Variants in TCN2 observed in about 807,000 individuals in gnomAD.
The protein encoded by TCN2 is transcobalamin-2.
Under a neutral mutation model 48.6 loss-of-function variants are expected in TCN2, and 34 were observed. The observed-to-expected ratio is 0.70, with a 90% CI of 0.53 to 0.93. TCN2 has a LOEUF of 0.93. TCN2 is among the 40% of genes least tolerant of loss of function. The pLI, the probability that TCN2 is intolerant of heterozygous loss-of-function variation, is 0.00. For synonymous variants in TCN2, 283 were observed against 212.5 expected, an observed-to-expected ratio of 1.33 and a Z score of -2.89; for missense variants, 652 against 526.1, an observed-to-expected ratio of 1.24 and a Z score of -2.34.
intron 7 of TCN2, among the ~76,000 whole-genome samples, chr22:30,619,366 C>T (rs554150539): frequency 4.6e-5 from 7 of 152,340 alleles, no homozygotes; most frequent in South Asian, 4.2e-4. Flanking sequence ...AGGCGTGAGC[C>T]GCCGTGGCTG....
At chr22:30,625,787 T>G (rs1425951604) in intron 8 of TCN2, among the ~76,000 whole-genome samples, 1 of 152,102 alleles carries the variant, frequency 6.6e-6, no homozygotes, top group Non-Finnish European at 1.5e-5. Context: ...TCCTATCCCA[T>G]TGATGAGGCT....
At chr22:30,608,999 A>T (rs1248563114) in intron 1 of TCN2, among the ~76,000 whole-genome samples, 1 of 152,038 alleles carries the variant, frequency 6.6e-6, no homozygotes, top group Admixed American at 6.6e-5. Context: ...TGGGCTAAGA[A>T]TGCTCCCCTG....
At chr22:30,623,827 C>CACACAT in intron 8 of TCN2, among the ~76,000 whole-genome samples, 1 of 26,946 alleles carries the variant, frequency 3.7e-5, no homozygotes, top group Non-Finnish European at 6.5e-5. Context: ...CACACATACA[C>CACACAT]ACACATATAC....
At chr22:30,615,247 G>C in intron 4 of TCN2, 54 bp from the exon 5 acceptor site, 2 of 1,604,986 alleles carry the variant, frequency 1.2e-6, no homozygotes, top group Non-Finnish European at 1.7e-6. Flanking sequence ...GCCCCTGCCT[G>C]TCCTGGCCCC....
intron 7 of TCN2, 105 bp downstream of exon 7, chr22:30,617,600 C>A: frequency 6.8e-7 from 1 of 1,471,064 alleles, no homozygotes. Context: ...TCGGGAGAGA[C>A]ACTGGCCCTG....
In TCN2 at chr22:30,626,930, C is replaced by CCCAGCTCT. The variant is rs1440533830; in HGVS notation, c.*413_*420dup. ...TCAGCCCGGGGGCTATGGCCCTGACCCCAGCTCTCCACTCTGCTGTTAGAG... is the reference window on the plus strand; with the variant it reads ...TCAGCCCGGGGGCTATGGCCCTGACCCCAGCTCTCCAGCTCTCCACTCTGCTGTTAGAG... On this transcript the variant is annotated 3_prime_UTR_variant, in exon 9 of 9. Coordinates refer to ENST00000215838, the MANE Select transcript of TCN2 (RefSeq NM_000355.4). 15 of 312,320 alleles carry CCCAGCTCT rather than the reference C, an allele frequency of 4.8e-5. No individual in the cohort carries two copies. Among genetic ancestry groups the CCCAGCTCT allele is most frequent in the Non-Finnish European group, 7.5e-5 (12 of 159,396 alleles). The allele number at this position is 312,320 out of a possible 1,614,324, so 19.3% of individuals were successfully genotyped here.
intron 7 of TCN2, among the ~76,000 whole-genome samples, chr22:30,620,925 A>AG (rs1301253836): frequency 5.3e-5 from 8 of 152,278 alleles, no homozygotes; most frequent in African/African-American, 1.9e-4. Flanking sequence ...GAATGGGAAA[A>AG]GGGCTACTCT....
chr22:30,625,002 A>G (rs1383772397), intron 8 of TCN2, among the ~76,000 whole-genome samples: 1 of 152,198 alleles, frequency 6.6e-6, no homozygotes, highest in Admixed American at 6.5e-5. Context: ...GGATCACCTG[A>G]GATCAGTAGT....
intron 2 of TCN2, among the ~76,000 whole-genome samples, chr22:30,612,343 G>A (rs1490376893): frequency 1.3e-5 from 2 of 152,168 alleles, no homozygotes; most frequent in East Asian, 1.9e-4. Context: ...GAGGTTAGGA[G>A]TTCGAAACCA....
chr22:30,624,824 T>C (rs188501501), intron 8 of TCN2, among the ~76,000 whole-genome samples: 2 of 152,302 alleles, frequency 1.3e-5, no homozygotes, highest in Admixed American at 6.5e-5. Context: ...CTATCTTCCT[T>C]GGGGTGGAAA....
Position 30,615,624 on chromosome 22 carries a change from T to TG in TCN2, c.781dup (p.Ala261GlyfsTer43). 1 of 1,614,140 alleles carries TG rather than the reference T, an allele frequency of 6.2e-7. No individual in the cohort carries two copies. The highest frequency in any genetic ancestry group is 8.5e-7 in the Non-Finnish European group (1 of 1,180,014). ...AGTTCCTCATGACTTCCCCCATGCGTGGGGCAGAACTGGGAACAGCATGTC... is the reference window on the plus strand; with the variant it reads ...AGTTCCTCATGACTTCCCCCATGCGTGGGGGCAGAACTGGGAACAGCATGTC... On this transcript the variant is annotated frameshift_variant, in exon 6 of 9. Coordinates refer to ENST00000215838, the MANE Select transcript of TCN2 (RefSeq NM_000355.4). LOFTEE classifies it high-confidence loss of function.
intron 7 of TCN2, 97 bp from the exon 8 acceptor site, chr22:30,622,871 A>G: frequency 7.7e-7 from 1 of 1,292,010 alleles, no homozygotes; most frequent in Non-Finnish European, 1.1e-6. Flanking sequence ...CGGCCCAAAG[A>G]GCTTGGAAGG....
intron 1 of TCN2, among the ~76,000 whole-genome samples, chr22:30,609,527 G>C (rs16988838): frequency 0.011 from 1,633 of 152,192 alleles, 23 homozygotes; most frequent in African/African-American, 0.036. Context: ...TGAGAGCCCG[G>C]GGTGAGGTCA....
chr22:30,626,625 C>A lies in TCN2; in HGVS notation c.*104C>A. 7.6e-7 allele frequency: 1 copy of A among 1,321,168 alleles called. No homozygotes were observed. Among genetic ancestry groups the A allele is most frequent in the South Asian group, 1.2e-5 (1 of 82,390 alleles). 81.8% of individuals were successfully genotyped at this position (1,321,168 alleles called of 1,614,324 possible). A position where few individuals can be genotyped will look rare whatever the true frequency, so the allele number is the denominator to read the frequency against. On this transcript the variant is annotated 3_prime_UTR_variant, in exon 9 of 9. Transcript: ENST00000215838. ...ACTCGCCTGACCCTGCTGCCACCTC[C>A]TGTGCACTTTGAGCAATGCCCCCTG...
rs1474117309 is a variant in TCN2 at position 30,623,843 on chromosome 22, C to T, written c.1222+760C>T. On this transcript the variant is annotated intron_variant, in intron 8 of 8. Coordinates refer to ENST00000215838, the MANE Select transcript of TCN2 (RefSeq NM_000355.4). ...ACACATACACACACATATACACACA[C>T]ATACATACACATACATACACACATA... is the stretch of plus-strand genomic sequence containing the variant. Among the ~76,000 whole-genome samples, 35 of 59,366 alleles carry T rather than the reference C, an allele frequency of 5.9e-4. 11 individuals carry two copies. Among genetic ancestry groups the T allele is most frequent in the Non-Finnish European group, 7.9e-4 (29 of 36,646 alleles). The allele number at this position is 59,366 out of a possible 152,430, so 38.9% of individuals were successfully genotyped here.
intron 8 of TCN2, among the ~76,000 whole-genome samples, chr22:30,623,853 C>CACACACATATGT (rs1434307368): frequency 2.0e-5 from 1 of 50,386 alleles, no homozygotes; most frequent in Non-Finnish European, 3.4e-5. Flanking sequence ...CATACATACA[C>CACACACATATGT]ATACATACAC....
At chr22:30,608,166 C>T (rs552317095) in intron 1 of TCN2, among the ~76,000 whole-genome samples, 4 of 152,302 alleles carry the variant, frequency 2.6e-5, no homozygotes, top group Non-Finnish European at 5.9e-5. Context: ...GCCGCCCACG[C>T]GCCTTTTCTC....
intron 7 of TCN2, 38 bp downstream of exon 7, chr22:30,617,533 C>A: frequency 6.2e-7 from 1 of 1,613,530 alleles, no homozygotes; most frequent in East Asian, 2.2e-5. Flanking sequence ...CCCACCCAAC[C>A]TCACATGCCT....
At chr22:30,621,219 C>T (rs1196419851) in intron 7 of TCN2, among the ~76,000 whole-genome samples, 1 of 152,040 alleles carries the variant, frequency 6.6e-6, no homozygotes, top group African/African-American at 2.4e-5. Context: ...TGTCAAACTC[C>T]CAACCTCAGG....
Sources: allele counts gnomAD v4.1 joint callset (sites outside exome capture counted in the v4.1 genomes callset), GRCh38; gene constraint gnomAD v4.1.1; transcripts MANE v1.5; gene names NCBI Gene and HGNC (gene_info 2026-07-23, HGNC 2026-07-21).